Variants in NECAB2 observed in about 807,000 individuals in gnomAD.
NECAB2 encodes N-terminal EF-hand calcium binding protein 2.
Under a neutral mutation model 51.9 loss-of-function variants are expected in NECAB2, and 68 were observed. That is an observed-to-expected ratio of 1.31 (90% CI 1.08 to 1.60). The LOEUF (loss-of-function observed/expected upper bound fraction) is 1.60. Ranked by LOEUF, NECAB2 falls within the 40% of genes most tolerant of loss-of-function variation. NECAB2 has a pLI of 0.00. For synonymous variants in NECAB2, 329 were observed against 203.5 expected (o/e 1.62, Z -5.25); for missense variants, 854 against 490.3 (o/e 1.74, Z -7.00).
chr16:83,999,554 T>C (rs992595307), intron 10 of NECAB2, among the ~76,000 whole-genome samples: 5 of 152,142 alleles, frequency 3.3e-5, no homozygotes, highest in East Asian at 3.9e-4. Flanking sequence ...CCCCTTCCTC[T>C]AGGCTGAGCA....
chr16:83,998,801 T>TCTCCCC lies in NECAB2; in HGVS notation c.962+487_962+492dup, dbSNP rs150115759. Among the ~76,000 whole-genome samples the TCTCCCC allele has an allele frequency of 1.3e-3, 204 of 151,824 alleles. 1 individual carries two copies. The highest frequency in any genetic ancestry group is 4.5e-3 in the African/African-American group (186 of 41,200). The stretch of plus-strand genomic sequence containing the variant: ...AATGCCCAAGTCATGTAGTTGCCCT[T>TCTCCCC]CTCCCCCTGATGTGCTGAGATGTCC... On this transcript the variant is annotated intron_variant, in intron 10 of 12. Transcript: ENST00000305202.
chr16:83,997,528 C>T (rs556994427), intron 9 of NECAB2, among the ~76,000 whole-genome samples: 18 of 133,340 alleles, frequency 1.3e-4, no homozygotes, highest in Admixed American at 1.2e-3. Context: ...TGCTGTATCT[C>T]CCAGGCTGGA....
chr16:84,001,774 G>T, intron 11 of NECAB2, 51 bp from the exon 12 acceptor site: 1 of 1,593,548 alleles, frequency 6.3e-7, no homozygotes, highest in Non-Finnish European at 8.6e-7. Flanking sequence ...GGAGCCACAC[G>T]CGGAGCTCCA....
intron 6 of NECAB2, among the ~76,000 whole-genome samples, chr16:83,991,757 C>A (rs2084628741): frequency 1.3e-5 from 2 of 151,890 alleles, no homozygotes. Context: ...AGCAATTCTC[C>A]CACCTCAGCC....
intron 10 of NECAB2, among the ~76,000 whole-genome samples, chr16:83,999,826 AGAG>A (rs1281952383): frequency 3.3e-5 from 5 of 151,450 alleles, no homozygotes; most frequent in African/African-American, 1.2e-4. Context: ...GGATTAAATG[AGAG>A]GACAAGTAGA....
chr16:83,976,840 C>A (rs180887691), intron 2 of NECAB2, among the ~76,000 whole-genome samples: 2 of 152,232 alleles, frequency 1.3e-5, no homozygotes, highest in Non-Finnish European at 2.9e-5. Context: ...AGGACCCCCC[C>A]TCTCCTGAGC....
chr16:83,968,551 G>A lies in NECAB2; in HGVS notation c.-98G>A. The A allele has an allele frequency of 1.1e-6, 1 of 922,816 alleles. No homozygotes were observed. Among genetic ancestry groups the A allele is most frequent in the Middle Eastern group, 5.5e-4 (1 of 1,812 alleles). 57.2% of individuals were successfully genotyped at this position (922,816 alleles called of 1,614,324 possible). On this transcript the variant is annotated 5_prime_UTR_variant, in exon 1 of 13. Coordinates refer to ENST00000305202, the MANE Select transcript of NECAB2 (RefSeq NM_019065.3). The stretch of plus-strand genomic sequence containing the variant: ...CGCGGGGGCAGCGGGAGAGAGGGCG[G>A]GGCGGCGCGGGCAGCGCGGGGAGGG...
At chr16:83,971,960 C>T in intron 1 of NECAB2, 191 bp from the exon 2 acceptor site, 1 of 709,076 alleles carries the variant, frequency 1.4e-6, no homozygotes, top group Non-Finnish European at 2.3e-6. Context: ...GGGAGGGCCT[C>T]TGTCTGCAAC....
At chr16:83,972,127 T>G in intron 1 of NECAB2, 24 bp from the exon 2 acceptor site, 2 of 1,613,012 alleles carry the variant, frequency 1.2e-6, no homozygotes, top group Non-Finnish European at 1.7e-6. Context: ...GGCCCAGGGC[T>G]GACTCCGCCT....
At chr16:84,000,656 A>T (rs2084811311) in intron 10 of NECAB2, 68 bp from the exon 11 acceptor site, 1 of 1,428,816 alleles carries the variant, frequency 7.0e-7, no homozygotes, top group African/African-American at 1.4e-5. Context: ...AGGCCACCCC[A>T]GGGGAACAGC....
At chr16:83,972,313 A>T (rs1246138006) in intron 2 of NECAB2, 138 bp downstream of exon 2, 12 of 1,223,246 alleles carry the variant, frequency 9.8e-6, no homozygotes, top group East Asian at 4.9e-5. Flanking sequence ...TAGAAGGCCA[A>T]ATCCTGCTGC....
intron 10 of NECAB2, among the ~76,000 whole-genome samples, chr16:84,000,449 C>T (rs377352547): frequency 3.9e-5 from 6 of 152,312 alleles, no homozygotes; most frequent in Non-Finnish European, 7.4e-5. Flanking sequence ...TGCCACTGCA[C>T]TCCAGCCTGG....
At chr16:83,995,312 G>A (rs1426881395) in intron 8 of NECAB2, among the ~76,000 whole-genome samples, 1 of 152,136 alleles carries the variant, frequency 6.6e-6, no homozygotes, top group Non-Finnish European at 1.5e-5. Context: ...CAGAATTCTG[G>A]TTGTGCCACT....
intron 10 of NECAB2, 78 bp downstream of exon 10, chr16:83,998,395 G>A (rs2084751921): frequency 2.8e-6 from 4 of 1,408,798 alleles, no homozygotes; most frequent in South Asian, 2.5e-5. Context: ...GCAGGACTAG[G>A]CTTTGCCCTA....
Position 83,968,780 on chromosome 16 carries a change from G to A in NECAB2, c.132G>A (p.Ser44=), listed in dbSNP as rs1238636667. Residue 44 remains serine (S), a synonymous_variant, in exon 1 of 13, where the codon TCG becomes TCA. Coordinates refer to ENST00000305202, the MANE Select transcript of NECAB2 (RefSeq NM_019065.3). ...CCAGGATGGGCGAGCCCCGGGAGTCGCTGGCCCCCGCCGCCCCCGCGGACC... is the reference window on the plus strand; with the variant it reads ...CCAGGATGGGCGAGCCCCGGGAGTCACTGGCCCCCGCCGCCCCCGCGGACC... ...VGARMGEPRE[S]LAPAAPADPG... 7 of 1,108,434 alleles carry A rather than the reference G, an allele frequency of 6.3e-6. No homozygotes were observed. Among genetic ancestry groups the A allele is most frequent in the Non-Finnish European group, 7.7e-6 (7 of 910,366 alleles). The allele number at this position is 1,108,434 out of a possible 1,614,324, so 68.7% of individuals were successfully genotyped here. A position where few individuals can be genotyped will look rare whatever the true frequency, so the allele number is the denominator to read the frequency against.
chr16:83,975,198 T>G (rs372735346), intron 2 of NECAB2, among the ~76,000 whole-genome samples: 843 of 40,976 alleles, frequency 0.021, no homozygotes, highest in Middle Eastern at 0.026. Context: ...AGGGAGGTGT[T>G]GGTGCGGGGA....
chr16:83,995,976 C>T (rs1046427151), intron 8 of NECAB2, among the ~76,000 whole-genome samples: 3 of 152,212 alleles, frequency 2.0e-5, no homozygotes, highest in African/African-American at 7.2e-5. Context: ...TGGCTGGTAA[C>T]CACGGAGTAC....
rs1463080218 is a variant in NECAB2, at chr16:83,998,283, C to T, written c.928C>T (p.Leu310=). The T allele has an allele frequency of 1.9e-6, 3 of 1,613,570 alleles. No individual in the cohort carries two copies. Among genetic ancestry groups the T allele is most frequent in the African/African-American group, 1.3e-5 (1 of 75,032 alleles). ...GTTTCTGGACTCTCTGCGCCAGTAT[C>T]TGCGGGGGACCACTGGCGTGAGGAA... The part of the protein sequence containing the change: ...SEFLDSLRQY[L]RGTTGVRNCF... The change falls in exon 10 of 13, where the codon CTG becomes TTG. Residue 310 remains leucine, a synonymous_variant. Transcript: ENST00000305202.
chr16:83,981,595 A>C (rs1270556340), intron 5 of NECAB2, among the ~76,000 whole-genome samples: 1 of 152,128 alleles, frequency 6.6e-6, no homozygotes, highest in Non-Finnish European at 1.5e-5. Flanking sequence ...CACCTCCACT[A>C]TCTCACAGCT....
Sources: allele counts gnomAD v4.1 joint callset (sites outside exome capture counted in the v4.1 genomes callset), GRCh38; gene constraint gnomAD v4.1.1; transcripts MANE v1.5; gene names NCBI Gene and HGNC (gene_info 2026-07-23, HGNC 2026-07-21).